OR52N4: variants seen among roughly 807,000 people sequenced by gnomAD.
The protein encoded by OR52N4 is olfactory receptor family 52 subfamily N member 4.
Under a neutral mutation model 15.0 loss-of-function variants are expected in OR52N4, and 15 were observed. The ratio of observed to expected loss-of-function variants is 1.00; its 90% confidence interval spans 0.67 to 1.54. The LOEUF (loss-of-function observed/expected upper bound fraction) is 1.54, where lower values mean the gene tolerates loss of function less well. OR52N4 is among the 40% of genes most tolerant of loss of function. OR52N4 has a pLI of 0.00. For missense variants in OR52N4, 421 were observed against 394.0 expected (o/e 1.07, Z -0.58); for synonymous variants, 143 against 143.7 (o/e 1.00, Z 0.03).
upstream of OR52N4, among the ~76,000 whole-genome samples, chr11:5,750,958 T>C (rs1425609980): frequency 2.0e-5 from 3 of 152,002 alleles, no homozygotes; most frequent in East Asian, 1.9e-4. Flanking sequence ...CATATTAACA[T>C]TGTCCCTCCA....
the OR52N4 span, among the ~76,000 whole-genome samples, chr11:5,729,114 A>ATATTT: frequency 3.6e-5 from 3 of 82,916 alleles, no homozygotes; most frequent in African/African-American, 1.4e-4. Context: ...TTAAATTGAG[A>ATATTT]TTTTTTTTTT....
chr11:5,754,685 A>T lies in OR52N4; in HGVS notation c.-48-8A>T, dbSNP rs1854258802. The T allele has an allele frequency of 1.5e-6, 2 of 1,377,134 alleles. No homozygotes were observed. The highest frequency in any genetic ancestry group is 1.6e-5 in the South Asian group (1 of 61,502). 85.3% of individuals were successfully genotyped at this position (1,377,134 alleles called of 1,614,324 possible). On this transcript the variant is annotated splice_polypyrimidine_tract_variant and splice_region_variant and intron_variant, in intron 1 of 1. Coordinates refer to ENST00000641350, the MANE Select transcript of OR52N4 (RefSeq NM_001005175.5). Reference sequence around the variant, plus strand: ...TATATTTTCTCTTGTTTTTTTTTTTAACTCTAGGAAAGCCCAGACAAATTT... The same window carrying T: ...TATATTTTCTCTTGTTTTTTTTTTTTACTCTAGGAAAGCCCAGACAAATTT...
At chr11:5,754,538 T>C (rs1370803324) in intron 1 of OR52N4, 155 bp from the exon 2 acceptor site, 2 of 174,180 alleles carry the variant, frequency 1.1e-5, no homozygotes, top group South Asian at 1.9e-4. Flanking sequence ...AATTAATCAA[T>C]CAATAAAACT....
At chr11:5,742,701 C>T in the OR52N4 span, among the ~76,000 whole-genome samples, 1 of 152,056 alleles carries the variant, frequency 6.6e-6, no homozygotes, top group Admixed American at 6.6e-5. Flanking sequence ...GGAAATGTGT[C>T]ACCACTCTAC....
the OR52N4 span, among the ~76,000 whole-genome samples, chr11:5,739,632 C>T: frequency 8.1e-6 from 1 of 123,008 alleles, no homozygotes; most frequent in Non-Finnish European, 1.8e-5. Context: ...TATGTTATTC[C>T]AGCAGGAATA....
chr11:5,749,310 T>G (rs549784350), upstream of OR52N4, among the ~76,000 whole-genome samples: 1 of 152,138 alleles, frequency 6.6e-6, no homozygotes, highest in African/African-American at 2.4e-5. Context: ...ATATCTCAGT[T>G]GTTTATCATT....
At chr11:5,733,208 T>C in the OR52N4 span, among the ~76,000 whole-genome samples, 6 of 152,288 alleles carry the variant, frequency 3.9e-5, no homozygotes, top group East Asian at 1.2e-3. Context: ...ATAAATTTGC[T>C]TAAAATTATC....
the OR52N4 span, among the ~76,000 whole-genome samples, chr11:5,730,514 C>G: frequency 2.6e-5 from 4 of 152,150 alleles, no homozygotes; most frequent in East Asian, 7.7e-4. Flanking sequence ...TTTAACAGAA[C>G]TACCTTAAAT....
the OR52N4 span, among the ~76,000 whole-genome samples, chr11:5,747,579 A>G: frequency 6.6e-6 from 1 of 151,902 alleles, no homozygotes. Flanking sequence ...AACATCTACA[A>G]TTTATACAAC....
At chr11:5,740,604 T>C in the OR52N4 span, among the ~76,000 whole-genome samples, 89 of 125,418 alleles carry the variant, frequency 7.1e-4, 22 homozygotes, top group Admixed American at 6.2e-3. Flanking sequence ...GAGCCCAGGA[T>C]TGAGACCAGC....
At chr11:5,749,912 T>A (rs1001324266), upstream of OR52N4, among the ~76,000 whole-genome samples, 3 of 151,988 alleles carry the variant, frequency 2.0e-5, no homozygotes, top group African/African-American at 7.2e-5. Context: ...TAAACTTTGA[T>A]GTGTACAAAC....
At chr11:5,737,867 C>A in the OR52N4 span, 6,058 of 168,020 alleles carry the variant, frequency 0.036, 114 homozygotes, top group Middle Eastern at 0.083. Flanking sequence ...GTCATGCTTG[C>A]GCATTGTTAG....
chr11:5,755,582 A>C lies in OR52N4; in HGVS notation c.842A>C (p.Asn281Thr). ...CCTTCTTGCCACATCATTGTAGCCA[A>C]TATTTATCTGCTCCTACCACCCACT... ...IPPSCHIIVANIYLLLPPTMN... is the reference protein window; with the variant it reads ...IPPSCHIIVATIYLLLPPTMN... The change falls in exon 2 of 2, where the codon AAT becomes ACT. Residue 281 changes from asparagine (N) to threonine (T), a missense_variant. Physicochemically the swap from Asn to Thr is moderately conservative, Grantham distance 65 (BLOSUM62 0). Transcript: ENST00000641350. The C allele has an allele frequency of 2.5e-6, 4 of 1,613,862 alleles. No individual in the cohort carries two copies. The highest frequency in any genetic ancestry group is 2.5e-6 in the Non-Finnish European group (3 of 1,179,830).
chr11:5,731,227 T>A, the OR52N4 span, among the ~76,000 whole-genome samples: 3 of 152,210 alleles, frequency 2.0e-5, no homozygotes, highest in African/African-American at 7.2e-5. Context: ...TACTGCTCTA[T>A]TACTTCATAT....
the OR52N4 span, among the ~76,000 whole-genome samples, chr11:5,735,820 A>G: frequency 6.6e-6 from 1 of 152,168 alleles, no homozygotes; most frequent in African/African-American, 2.4e-5. Context: ...TTACTGTTCA[A>G]TGGTTAGAAG....
Position 5,755,532 on chromosome 11 carries a change from C to T in OR52N4, c.792C>T (p.His264=). 6.2e-7 allele frequency: 1 copy of T among 1,613,880 alleles called. No homozygotes were observed. The highest frequency in any genetic ancestry group is 8.5e-7 in the Non-Finnish European group (1 of 1,179,830). Reference sequence around the variant, plus strand: ...CAGCTTTCTTCTCCTTCTTTTCCCACCGCTTTGGGGAACACATAATCCCCC... The same window carrying T: ...CAGCTTTCTTCTCCTTCTTTTCCCATCGCTTTGGGGAACACATAATCCCCC... The part of the protein sequence containing the change: ...YTPAFFSFFS[H]RFGEHIIPPS... Residue 264 remains histidine (H), a synonymous_variant, in exon 2 of 2, where the codon CAC becomes CAT. Transcript: ENST00000641350.
chr11:5,737,888 G>A, the OR52N4 span: 2 of 162,794 alleles, frequency 1.2e-5, no homozygotes, highest in South Asian at 3.4e-4. Context: ...CTGTAACTTG[G>A]GAGCTGTAAC....
the OR52N4 span, chr11:5,736,809 C>G: frequency 6.2e-7 from 1 of 1,613,978 alleles, no homozygotes; most frequent in Non-Finnish European, 8.5e-7. Flanking sequence ...TGGTTTGATG[C>G]CAAGGTTATT....
the OR52N4 span, chr11:5,738,450 T>C: frequency 8.9e-6 from 1 of 111,864 alleles, no homozygotes; most frequent in South Asian, 3.3e-4. Flanking sequence ...GCATCCATTA[T>C]TTTTTAATAT....
Sources: allele counts gnomAD v4.1 joint callset (sites outside exome capture counted in the v4.1 genomes callset), GRCh38; gene constraint gnomAD v4.1.1; transcripts MANE v1.5; gene names NCBI Gene and HGNC (gene_info 2026-07-23, HGNC 2026-07-21).